CLEC16A: variants seen among roughly 807,000 people sequenced by gnomAD.
The protein encoded by CLEC16A is C-type lectin domain containing 16A.
CLEC16A carries 51 observed loss-of-function variants against 109.5 expected under a neutral mutation model. That is an observed-to-expected ratio of 0.47 (90% CI 0.37 to 0.59). CLEC16A has a LOEUF of 0.59. Ranked by LOEUF, CLEC16A falls within the 20% of genes least tolerant of loss-of-function variation. The pLI, the probability that CLEC16A is intolerant of heterozygous loss-of-function variation, is 0.00. For missense variants in CLEC16A, 1,339 were observed against 1,394.0 expected (o/e 0.96, Z 0.63); for synonymous variants, 673 against 564.2 (o/e 1.19, Z -2.73).
chr16:11,132,808 A>C (rs997707773), intron 22 of CLEC16A, among the ~76,000 whole-genome samples: 3 of 152,178 alleles, frequency 2.0e-5, no homozygotes, highest in African/African-American at 7.2e-5. Flanking sequence ...CCTATGAAGT[A>C]GTTGCTCAGT....
chr16:11,026,467 T>G (rs757258630), intron 13 of CLEC16A, among the ~76,000 whole-genome samples: 1 of 152,200 alleles, frequency 6.6e-6, no homozygotes, highest in African/African-American at 2.4e-5. Flanking sequence ...TCCTTTATTA[T>G]CTTTTTAATG....
Position 10,982,878 on chromosome 16 carries a change from GTCT to G in CLEC16A, c.963_965del (p.Phe321del). ...ATCCCGTTTCTTTTTTTTCCGCCAGGTCTTCTTAATTATACATCATGCACCGCT... is the reference window on the plus strand; with the variant it reads ...ATCCCGTTTCTTTTTTTTCCGCCAGGTCTTAATTATACATCATGCACCGCT... On this transcript the variant is annotated inframe_deletion and splice_region_variant, in exon 10 of 24. Transcript: ENST00000409790. The G allele has an allele frequency of 6.4e-7, 1 of 1,565,794 alleles. No homozygotes were observed. The highest frequency in any genetic ancestry group is 8.8e-7 in the Non-Finnish European group (1 of 1,137,062).
intron 10 of CLEC16A, among the ~76,000 whole-genome samples, chr16:10,996,853 T>C (rs965238776): frequency 6.6e-6 from 1 of 152,180 alleles, no homozygotes; most frequent in East Asian, 1.9e-4. Context: ...ATTTCATCAG[T>C]GATCAGTGAA....
At chr16:11,089,160 A>G (rs2050172115) in intron 19 of CLEC16A, among the ~76,000 whole-genome samples, 2 of 152,178 alleles carry the variant, frequency 1.3e-5, no homozygotes, top group African/African-American at 4.8e-5. Flanking sequence ...GCCCAGCCAC[A>G]GGCCTGGCAC....
At chr16:11,110,907 A>C (rs2051542751) in intron 19 of CLEC16A, among the ~76,000 whole-genome samples, 1 of 152,206 alleles carries the variant, frequency 6.6e-6, no homozygotes, top group Admixed American at 6.5e-5. Context: ...TCTTCATGGT[A>C]ACAGCATGCT....
chr16:11,009,066 A>G (rs1238207055), intron 11 of CLEC16A, among the ~76,000 whole-genome samples: 1 of 152,098 alleles, frequency 6.6e-6, no homozygotes, highest in African/African-American at 2.4e-5. Context: ...AATGCTTTTC[A>G]TTTTTCATCT....
chr16:11,064,421 A>G lies in CLEC16A; in HGVS notation c.2116+3399A>G, dbSNP rs576658434. Among the ~76,000 whole-genome samples, 3 of 152,320 alleles carry G rather than the reference A, an allele frequency of 2.0e-5. No homozygotes were observed. In the South Asian group the frequency reaches 6.2e-4, roughly 32 times the overall value. On this transcript the variant is annotated intron_variant, in intron 19 of 23. Coordinates refer to ENST00000409790, the MANE Select transcript of CLEC16A (RefSeq NM_015226.3). ...TTGCAGCCACTGGCATCATTGGAGT[A>G]ATCATCTTTGTAATCTTCCCCAGAG...
rs2043410366 is a variant in CLEC16A at position 10,982,945 on chromosome 16, T to C, written c.1025T>C (p.Leu342Pro). 1 of 1,612,758 alleles carries C rather than the reference T, an allele frequency of 6.2e-7. No homozygotes were observed. The highest frequency in any genetic ancestry group is 8.5e-7 in the Non-Finnish European group (1 of 1,178,810). Residue 342 changes from leucine to proline, a missense_variant, in exon 10 of 24, where the codon CTG (leucine) becomes CCG (proline). By Grantham distance (98) the Leu-to-Pro change is moderately conservative. This residue lies in a region of CLEC16A where 1,061 missense variants were observed against 1,006.8 expected (regional missense o/e 1.05). Transcript: ENST00000409790. Reference sequence around the variant, plus strand: ...GCTGAAGTCATTCTGAATGGTGATCTGTCTGAGATGTACGCTAAGACTGAA... The same window carrying C: ...GCTGAAGTCATTCTGAATGGTGATCCGTCTGAGATGTACGCTAAGACTGAA... Reference protein sequence around the residue: ...SLAEVILNGDLSEMYAKTEQD... With the variant: ...SLAEVILNGDPSEMYAKTEQD...
intron 19 of CLEC16A, among the ~76,000 whole-genome samples, chr16:11,096,055 C>T (rs905732057): frequency 1.3e-5 from 2 of 152,068 alleles, no homozygotes; most frequent in African/African-American, 2.4e-5. Context: ...AAACTAAGGC[C>T]AGATACCATG....
At chr16:11,122,978 A>G (rs140138002) in intron 20 of CLEC16A, among the ~76,000 whole-genome samples, 76 of 129,232 alleles carry the variant, frequency 5.9e-4, no homozygotes, top group African/African-American at 2.2e-3. Context: ...ATCTCGGCTC[A>G]CTGCAACCTC....
At chr16:10,986,089 G>A (rs928394736) in intron 10 of CLEC16A, among the ~76,000 whole-genome samples, 5 of 127,682 alleles carry the variant, frequency 3.9e-5, no homozygotes, top group Admixed American at 1.0e-4. Context: ...GGAGTACAGC[G>A]GCACGATCTC....
At chr16:11,151,289 G>A (rs1307074801) in intron 22 of CLEC16A, among the ~76,000 whole-genome samples, 1 of 152,108 alleles carries the variant, frequency 6.6e-6, no homozygotes. Flanking sequence ...AGAGTCAGGG[G>A]GACTGTCCAT....
chr16:11,072,182 C>T (rs2049112338), intron 19 of CLEC16A, among the ~76,000 whole-genome samples: 1 of 152,106 alleles, frequency 6.6e-6, no homozygotes, highest in South Asian at 2.1e-4. Flanking sequence ...AGTGCAGTGG[C>T]ACAGTCTTGG....
chr16:11,067,573 G>T lies in CLEC16A; in HGVS notation c.2116+6551G>T, dbSNP rs78081880. Among the ~76,000 whole-genome samples the T allele has an allele frequency of 2.8e-3, 427 of 152,280 alleles. 1 individual carries two copies. Among genetic ancestry groups the T allele is most frequent in the Admixed American group, 9.7e-3 (149 of 15,294 alleles). ...TGAGGCTGGGTAGGAAGCCATGCAG[G>T]CCCTGTGGGCATATCAAGTGTTCAG... On this transcript the variant is annotated intron_variant, in intron 19 of 23. Transcript: ENST00000409790.
chr16:11,158,997 G>T (rs979130726), intron 22 of CLEC16A, among the ~76,000 whole-genome samples: 3 of 151,570 alleles, frequency 2.0e-5, no homozygotes, highest in African/African-American at 4.8e-5. Flanking sequence ...GCCTGGCTTC[G>T]CTGGCTTGGG....
intron 22 of CLEC16A, among the ~76,000 whole-genome samples, chr16:11,143,327 T>A (rs1078328): frequency 0.7 from 106,877 of 152,036 alleles, 39,009 homozygotes; most frequent in African/African-American, 0.9. Context: ...CCAGTCCTCG[T>A]TTGACCTCAG....
intron 3 of CLEC16A, among the ~76,000 whole-genome samples, chr16:10,968,662 C>G (rs2042630442): frequency 6.6e-6 from 1 of 152,140 alleles, no homozygotes; most frequent in Non-Finnish European, 1.5e-5. Flanking sequence ...AAGCACTCAG[C>G]CTAGTGGCCG....
At chr16:10,970,599 C>T (rs182305022) in intron 4 of CLEC16A, among the ~76,000 whole-genome samples, 2 of 152,146 alleles carry the variant, frequency 1.3e-5, no homozygotes, top group Non-Finnish European at 2.9e-5. Flanking sequence ...GATGAGGTCT[C>T]GTCACATTGC....
At chr16:11,055,886 G>A (rs933926870) in intron 18 of CLEC16A, among the ~76,000 whole-genome samples, 5 of 152,044 alleles carry the variant, frequency 3.3e-5, no homozygotes, top group Admixed American at 3.3e-4. Context: ...ACCATGCCCA[G>A]CCCTCTCTTG....
Sources: allele counts gnomAD v4.1 joint callset (sites outside exome capture counted in the v4.1 genomes callset), GRCh38; gene constraint gnomAD v4.1.1; regional missense constraint gnomAD v4.1.1; transcripts MANE v1.5; gene names NCBI Gene and HGNC (gene_info 2026-07-23, HGNC 2026-07-21).